Variants in CCDC93 observed in about 807,000 individuals in gnomAD.
The protein encoded by CCDC93 is CCC complex scaffolding subunit CCDC93, also known as coiled-coil domain-containing protein 93.
Under a neutral mutation model 108.2 loss-of-function variants are expected in CCDC93, and 61 were observed. The ratio of observed to expected loss-of-function variants is 0.56; its 90% CI spans 0.46 to 0.70. The LOEUF (loss-of-function observed/expected upper bound fraction) is 0.70, where lower values mean the gene tolerates loss of function less well. Among genes scored for constraint, CCDC93 ranks in the 30% least tolerant of loss-of-function variants. The pLI is 0.00. For synonymous variants in CCDC93, 276 were observed against 260.4 expected (o/e 1.06, Z -0.58); for missense variants, 685 against 764.2 (o/e 0.90, Z 1.22).
intron 18 of CCDC93, among the ~76,000 whole-genome samples, chr2:117,942,453 C>T (rs1678730447): frequency 6.6e-6 from 1 of 152,196 alleles, no homozygotes; most frequent in South Asian, 2.1e-4. Flanking sequence ...CAACTAGGCT[C>T]TCCCCAGTGC....
intron 13 of CCDC93, chr2:117,950,444 G>A (rs374189280): frequency 2.3e-5 from 23 of 985,298 alleles, no homozygotes; most frequent in Non-Finnish European, 2.8e-5. Context: ...CCTTTCTGAA[G>A]CAGTCATGCA....
intron 11 of CCDC93, among the ~76,000 whole-genome samples, chr2:117,962,594 G>C (rs1182599921): frequency 2.0e-5 from 3 of 152,184 alleles, no homozygotes; most frequent in Non-Finnish European, 4.4e-5. Flanking sequence ...AGTGAGCCGA[G>C]GTCACACCAC....
At chr2:117,926,425 A>G (rs1314279502) in intron 23 of CCDC93, among the ~76,000 whole-genome samples, 6 of 151,924 alleles carry the variant, frequency 3.9e-5, no homozygotes, top group Non-Finnish European at 4.4e-5. Flanking sequence ...AATAAAAAAT[A>G]ATAAAGGGGA....
At chr2:117,950,066 G>A (rs1679005192) in intron 13 of CCDC93, 4 of 985,308 alleles carry the variant, frequency 4.1e-6, no homozygotes, top group Non-Finnish European at 4.8e-6. Flanking sequence ...CAGAAATGGG[G>A]AGTTCCCCGA....
In CCDC93 at chr2:117,920,269, CA is replaced by C. The variant is rs1553449146; in HGVS notation, c.*73del. 2.0e-6 allele frequency: 2 copies of C among 984,300 alleles called. No individual in the cohort carries two copies. Among genetic ancestry groups the C allele is most frequent in the Non-Finnish European group, 3.2e-6 (2 of 634,802 alleles). 61.0% of individuals were successfully genotyped at this position (984,300 alleles called of 1,614,324 possible). ...ATCTCTCTACTGTCGCTTTCAGAACCATTTCATGATCTTGTAGGTGATATAC... is the reference window on the plus strand; with the variant it reads ...ATCTCTCTACTGTCGCTTTCAGAACCTTTCATGATCTTGTAGGTGATATAC... On this transcript the variant is annotated 3_prime_UTR_variant, in exon 24 of 24. Transcript: ENST00000376300.
chr2:117,925,782 C>T (rs1678066335), intron 23 of CCDC93, among the ~76,000 whole-genome samples: 2 of 152,220 alleles, frequency 1.3e-5, no homozygotes, highest in Admixed American at 6.5e-5. Context: ...TAGACATCTA[C>T]AGAACTCTCC....
intron 11 of CCDC93, 110 bp downstream of exon 11, chr2:117,973,798 T>G (rs1573502892): frequency 1.3e-6 from 1 of 786,758 alleles, no homozygotes. Flanking sequence ...ACGTGGCTGG[T>G]GAGTTACAAG....
At chr2:117,944,642 T>C (rs1678811724) in intron 17 of CCDC93, 1 of 453,694 alleles carries the variant, frequency 2.2e-6, no homozygotes, top group Non-Finnish European at 4.6e-6. Flanking sequence ...GCTGGATGGT[T>C]TGTCGCCTCA....
intron 7 of CCDC93, among the ~76,000 whole-genome samples, chr2:117,982,392 A>G (rs577078323): frequency 6.6e-6 from 1 of 152,252 alleles, no homozygotes; most frequent in East Asian, 1.9e-4. Flanking sequence ...TCCAAAATCA[A>G]AACTATAAGT....
intron 8 of CCDC93, among the ~76,000 whole-genome samples, chr2:117,977,617 A>T (rs1679984578): frequency 6.6e-6 from 1 of 152,204 alleles, no homozygotes; most frequent in Admixed American, 6.5e-5. Flanking sequence ...GCAGGCCTGT[A>T]ATTCACAGCT....
At chr2:117,978,440 G>C (rs185538159) in intron 7 of CCDC93, among the ~76,000 whole-genome samples, 3 of 152,112 alleles carry the variant, frequency 2.0e-5, no homozygotes, top group Admixed American at 2.0e-4. Flanking sequence ...TTAGAGTCTA[G>C]CACACTTTTT....
At chr2:117,937,446 A>G (rs1411647811) in intron 20 of CCDC93, among the ~76,000 whole-genome samples, 1 of 152,304 alleles carries the variant, frequency 6.6e-6, no homozygotes, top group South Asian at 2.1e-4. Context: ...AATGTAGAAT[A>G]TTTCTTGTCC....
chr2:117,981,314 A>C (rs777460597), intron 7 of CCDC93, among the ~76,000 whole-genome samples: 1 of 152,160 alleles, frequency 6.6e-6, no homozygotes, highest in Non-Finnish European at 1.5e-5. Flanking sequence ...GATTTTTCTA[A>C]AGGCCTCATC....
chr2:117,941,445 T>A, intron 18 of CCDC93, 148 bp from the exon 19 acceptor site: 1 of 627,774 alleles, frequency 1.6e-6, no homozygotes, highest in Non-Finnish European at 2.8e-6. Context: ...GGCTTAAAGG[T>A]CCCCATCTCA....
chr2:117,950,237 A>G, intron 13 of CCDC93: 7 of 985,454 alleles, frequency 7.1e-6, no homozygotes, highest in Non-Finnish European at 8.4e-6. Context: ...ATCATCAAAG[A>G]GCTGAAGACA....
At position 117,919,220 on chromosome 2, in the gene CCDC93, C is replaced by T. The variant is rs1677783604; in HGVS notation, c.*1123G>A. 6.6e-6 allele frequency: 1 copy of T among 152,296 alleles called. No individual in the cohort carries two copies. Among genetic ancestry groups the T allele is most frequent in the African/African-American group, 2.4e-5 (1 of 41,448 alleles). 9.4% of individuals were successfully genotyped at this position (152,296 alleles called of 1,614,324 possible). On this transcript the variant is annotated 3_prime_UTR_variant, in exon 24 of 24. Transcript: ENST00000376300. ...CAAAGCCTAGTCTCAGCCCTACTTC[C>T]CAGACGGGTCTCTGAAGCCTCCTGC...
intron 3 of CCDC93, among the ~76,000 whole-genome samples, chr2:118,002,565 C>T (rs1182785249): frequency 6.6e-6 from 1 of 152,096 alleles, no homozygotes; most frequent in Non-Finnish European, 1.5e-5. Context: ...AATGTCAGAT[C>T]CAATGTGTTA....
At chr2:118,008,839 G>T in intron 1 of CCDC93, 181 bp from the exon 2 acceptor site, 1 of 579,118 alleles carries the variant, frequency 1.7e-6, no homozygotes, top group Non-Finnish European at 3.1e-6. Flanking sequence ...TGTTGTTGGA[G>T]TCACAAATGG....
chr2:118,006,765 C>T lies in CCDC93; in HGVS notation c.208G>A (p.Val70Ile). 1 of 1,612,834 alleles carries T rather than the reference C, an allele frequency of 6.2e-7. No individual in the cohort carries two copies. The highest frequency in any genetic ancestry group is 8.5e-7 in the Non-Finnish European group (1 of 1,178,824). The change falls in exon 3 of 24, where the codon GTT becomes ATT. Residue 70 changes from valine (V) to isoleucine (I), a missense_variant. By Grantham distance (29) the Val-to-Ile change is conservative (BLOSUM62 3). Coordinates refer to ENST00000376300, the MANE Select transcript of CCDC93 (RefSeq NM_019044.5). ...GAGTTTTCTTGAAAGAGCAAATCAACATCTACATCAAAGTTGCAAGTGGTG... is the reference window on the plus strand; with the variant it reads ...GAGTTTTCTTGAAAGAGCAAATCAATATCTACATCAAAGTTGCAAGTGGTG... ...CITTCNFDVD[V>I]DLLFQENSTI...
Sources: gnomAD v4.1 joint callset for allele counts (sites outside exome capture counted in the v4.1 genomes callset) on GRCh38, gnomAD v4.1.1 for gene constraint, MANE v1.5 for transcripts, NCBI Gene and HGNC (gene_info 2026-07-23, HGNC 2026-07-21) for gene names.